PLEKHA3: variants seen among roughly 807,000 people sequenced by gnomAD.
The protein encoded by PLEKHA3 is pleckstrin homology domain-containing family A member 3.
Under a neutral mutation model 39.2 loss-of-function variants are expected in PLEKHA3, and 19 were observed. The ratio of observed to expected loss-of-function variants is 0.48; its 90% CI spans 0.34 to 0.71. The LOEUF is 0.71. Ranked by LOEUF, PLEKHA3 falls within the 30% of genes least tolerant of loss-of-function variation. The probability of loss-of-function intolerance (pLI) is 0.01; values close to 1 mark genes in which losing one functional copy is unlikely to be tolerated. For synonymous variants in PLEKHA3, 97 were observed against 118.6 expected (o/e 0.82, Z 1.18); for missense variants, 253 against 359.5 (o/e 0.70, Z 2.40).
At position 178,485,621 on chromosome 2, in the gene PLEKHA3, G is replaced by A. The variant is rs1685237051; in HGVS notation, c.41-20G>A. 6.6e-7 allele frequency: 1 copy of A among 1,504,120 alleles called. No individual in the cohort carries two copies. Among genetic ancestry groups the A allele is most frequent in the African/African-American group, 1.4e-5 (1 of 72,578 alleles). The allele number at this position is 1,504,120 out of a possible 1,614,324, so 93.2% of individuals were successfully genotyped here. The stretch of plus-strand genomic sequence containing the variant: ...GTAATGTGTTTCCAATTGACCTTTT[G>A]TTATTTATGGTCTTTTTAGGCTGGC... On this transcript the variant is annotated intron_variant, in intron 1 of 7. Transcript: ENST00000234453.
Position 178,495,497 on chromosome 2 carries a change from A to T in PLEKHA3, c.452A>T (p.Asn151Ile). 6.2e-7 allele frequency: 1 copy of T among 1,613,936 alleles called. No individual in the cohort carries two copies. The highest frequency in any genetic ancestry group is 8.5e-7 in the Non-Finnish European group (1 of 1,179,966). Residue 151 changes from asparagine (N) to isoleucine (I), a missense_variant and splice_region_variant, in exon 5 of 8, where the codon AAC becomes ATC. Physicochemically the swap from Asn to Ile is moderately radical, Grantham distance 149 (BLOSUM62 -3). This residue lies in a region of PLEKHA3 where 126 missense variants were observed against 222.7 expected (regional missense o/e 0.57). Transcript: ENST00000234453. Reference sequence around the variant, plus strand: ...TCAAGTCTTTGTGTAATTTTTCAGAACATGAATGAAGCCTCTTCTCTGCTT... The same window carrying T: ...TCAAGTCTTTGTGTAATTTTTCAGATCATGAATGAAGCCTCTTCTCTGCTT... ...DENHSSPSAE[N>I]MNEASSLLSA...
chr2:178,509,028 T>A lies in PLEKHA3; in HGVS notation c.*5141T>A, dbSNP rs1204163103. ...GGGGTGTGTTTTTGGGCTTCTCCCT[T>A]TTGGGTACTTAGGCTTTAACTTCCT... On this transcript the variant is annotated 3_prime_UTR_variant, in exon 8 of 8. Coordinates refer to ENST00000234453, the MANE Select transcript of PLEKHA3 (RefSeq NM_019091.4). The A allele has an allele frequency of 6.5e-6, 1 of 153,808 alleles. No individual in the cohort carries two copies. The highest frequency in any genetic ancestry group is 1.5e-5 in the Non-Finnish European group (1 of 68,110). The allele number at this position is 153,808 out of a possible 1,614,324, so 9.5% of individuals were successfully genotyped here.
At chr2:178,485,297 T>C (rs1407387096) in intron 1 of PLEKHA3, among the ~76,000 whole-genome samples, 1 of 152,228 alleles carries the variant, frequency 6.6e-6, no homozygotes, top group Admixed American at 6.5e-5. Context: ...TAACCCCAAC[T>C]CTGTTCCTTT....
intron 3 of PLEKHA3, among the ~76,000 whole-genome samples, chr2:178,491,820 GTGAGGGCCTCATGCTGCA>G (rs1489920279): frequency 6.6e-6 from 1 of 152,110 alleles, no homozygotes; most frequent in Non-Finnish European, 1.5e-5. Flanking sequence ...TTGGCTTCTG[GTGAGGGCCTCATGCTGCA>G]TCATAGCATG....
chr2:178,498,264 G>A (rs1007973307), intron 5 of PLEKHA3, among the ~76,000 whole-genome samples: 4 of 152,302 alleles, frequency 2.6e-5, no homozygotes, highest in African/African-American at 9.6e-5. Context: ...GATGTTAGTG[G>A]CCATTTGCAT....
At chr2:178,481,213 A>G (rs1269239626) in intron 1 of PLEKHA3, among the ~76,000 whole-genome samples, 1 of 152,232 alleles carries the variant, frequency 6.6e-6, no homozygotes, top group South Asian at 2.1e-4. Flanking sequence ...CTCCGTCCTT[A>G]TTCACACTTA....
At position 178,504,874 on chromosome 2, in the gene PLEKHA3, G is replaced by A. The variant is rs138758447; in HGVS notation, c.*987G>A. The A allele has an allele frequency of 6.6e-6, 1 of 152,494 alleles. No homozygotes were observed. Among genetic ancestry groups the A allele is most frequent in the East Asian group, 1.9e-4 (1 of 5,190 alleles). The allele number at this position is 152,494 out of a possible 1,614,324, so 9.4% of individuals were successfully genotyped here. On this transcript the variant is annotated 3_prime_UTR_variant, in exon 8 of 8. Transcript: ENST00000234453. ...GCATTATTTAATTAAAGAACAAATA[G>A]CATTTTTTGGTAGTGCCTGTCCATA...
intron 1 of PLEKHA3, among the ~76,000 whole-genome samples, chr2:178,483,700 G>T (rs990853651): frequency 3.3e-5 from 5 of 152,160 alleles, no homozygotes; most frequent in Admixed American, 6.5e-5. Context: ...TTAGTGTTTG[G>T]AAAGATAATG....
At position 178,495,607 on chromosome 2, in the gene PLEKHA3, C is replaced by T; in HGVS notation, c.562C>T (p.Leu188=). ...CAAGTTTAAACCTGAGATGTTTCAA[C>T]TGCACCATCCGGATCCCTTAGTTTC... is the stretch of plus-strand genomic sequence containing the variant. ...NAKFKPEMFQ[L]HHPDPLVSPV... Residue 188 remains leucine (L), a synonymous_variant, in exon 5 of 8, where the codon CTG becomes TTG. Transcript: ENST00000234453. 2 of 1,614,154 alleles carry T rather than the reference C, an allele frequency of 1.2e-6. No individual in the cohort carries two copies. Among genetic ancestry groups the T allele is most frequent in the Non-Finnish European group, 1.7e-6 (2 of 1,179,998 alleles).
At position 178,515,040 on chromosome 2, in the gene PLEKHA3, CT is replaced by C. The variant is rs1685740504; in HGVS notation, c.*11154del. Reference sequence around the variant, plus strand: ...AATTTTTGGTCTTATAACATTCTCTCTCTTTTTTTTTTTTTTTTTTTGTAGC... The same window carrying C: ...AATTTTTGGTCTTATAACATTCTCTCCTTTTTTTTTTTTTTTTTTTGTAGC... On this transcript the variant is annotated 3_prime_UTR_variant, in exon 8 of 8. Coordinates refer to ENST00000234453, the MANE Select transcript of PLEKHA3 (RefSeq NM_019091.4). 1 of 138,726 alleles carries C rather than the reference CT, an allele frequency of 7.2e-6. No homozygotes were observed. Among genetic ancestry groups the C allele is most frequent in the Non-Finnish European group, 1.5e-5 (1 of 66,188 alleles). The allele number at this position is 138,726 out of a possible 1,614,324, so 8.6% of individuals were successfully genotyped here.
chr2:178,485,001 A>T (rs902988465), intron 1 of PLEKHA3, among the ~76,000 whole-genome samples: 1 of 152,246 alleles, frequency 6.6e-6, no homozygotes, highest in African/African-American at 2.4e-5. Flanking sequence ...TGTTCTCACC[A>T]TAGGGTATGT....
chr2:178,497,939 T>TG (rs1156435172), intron 5 of PLEKHA3, among the ~76,000 whole-genome samples: 1 of 150,454 alleles, frequency 6.6e-6, no homozygotes, highest in African/African-American at 2.5e-5. Flanking sequence ...ACAATCTTCA[T>TG]GTTTTTTTTT....
chr2:178,503,165 T>C (rs549236033), intron 7 of PLEKHA3, among the ~76,000 whole-genome samples: 12 of 152,170 alleles, frequency 7.9e-5, no homozygotes, highest in Admixed American at 2.6e-4. Flanking sequence ...ACTATGCCAG[T>C]GTAGTCAGCT....
In PLEKHA3 at chr2:178,511,086, G is replaced by T. The variant is rs188654614; in HGVS notation, c.*7199G>T. ...TATGATAATGAGATTCTCTTCTAGA[G>T]GGGAAGTGGGAGTAGGTAACCATAC... On this transcript the variant is annotated 3_prime_UTR_variant, in exon 8 of 8. Transcript: ENST00000234453. The T allele has an allele frequency of 1.2e-4, 19 of 152,280 alleles. No homozygotes were observed. Among genetic ancestry groups the T allele is most frequent in the African/African-American group, 4.3e-4 (18 of 41,558 alleles). The allele number at this position is 152,280 out of a possible 1,614,324, so 9.4% of individuals were successfully genotyped here.
At chr2:178,498,624 T>A (rs568625904) in intron 5 of PLEKHA3, among the ~76,000 whole-genome samples, 86 of 152,328 alleles carry the variant, frequency 5.6e-4, no homozygotes, top group African/African-American at 2.0e-3. Flanking sequence ...AATTAGGTAT[T>A]CTTTATTTTT....
At position 178,501,015 on chromosome 2, in the gene PLEKHA3, G is replaced by T. The variant is rs754518575; in HGVS notation, c.660-46G>T. ...TAAAATTCCAGTTGAGTGTGTTTTT[G>T]TTTATGTAAGGCCTTACAATTTAAT... is the stretch of plus-strand genomic sequence containing the variant. On this transcript the variant is annotated intron_variant, in intron 6 of 7. Coordinates refer to ENST00000234453, the MANE Select transcript of PLEKHA3 (RefSeq NM_019091.4). The T allele has an allele frequency of 8.2e-6, 10 of 1,223,026 alleles. No individual in the cohort carries two copies. The African/African-American group carries it at 1.2e-4, about 15-fold the overall frequency. The allele number at this position is 1,223,026 out of a possible 1,614,324, so 75.8% of individuals were successfully genotyped here.
Position 178,504,320 on chromosome 2 carries a change from A to G in PLEKHA3, c.*433A>G, listed in dbSNP as rs1685573771. On this transcript the variant is annotated 3_prime_UTR_variant, in exon 8 of 8. Transcript: ENST00000234453. ...CCAAATGGTCACTTTACCACAGCTAAAAATGAGTTACGATAGCAGCTTGAT... is the reference window on the plus strand; with the variant it reads ...CCAAATGGTCACTTTACCACAGCTAGAAATGAGTTACGATAGCAGCTTGAT... 1 of 156,050 alleles carries G rather than the reference A, an allele frequency of 6.4e-6. No individual in the cohort carries two copies. 9.7% of individuals were successfully genotyped at this position (156,050 alleles called of 1,614,324 possible). A position where few individuals can be genotyped will look rare whatever the true frequency, so the allele number is the denominator to read the frequency against.
chr2:178,500,940 G>A (rs555773134), intron 6 of PLEKHA3, 121 bp from the exon 7 acceptor site: 5 of 673,192 alleles, frequency 7.4e-6, no homozygotes, highest in East Asian at 2.6e-5. Context: ...TTGCTAACAC[G>A]GGACGTTGAG....
intron 7 of PLEKHA3, among the ~76,000 whole-genome samples, chr2:178,501,404 TA>T (rs1685528216): frequency 6.6e-6 from 1 of 151,996 alleles, no homozygotes; most frequent in African/African-American, 2.4e-5. Context: ...GTAAATATCG[TA>T]TCTCAGATAT....
Sources: gnomAD v4.1 joint callset for allele counts (sites outside exome capture counted in the v4.1 genomes callset) on GRCh38, gnomAD v4.1.1 for gene constraint, gnomAD v4.1.1 regional missense constraint, MANE v1.5 for transcripts, NCBI Gene and HGNC (gene_info 2026-07-23, HGNC 2026-07-21) for gene names.